The following AGAP1 variants were observed in gnomAD, a reference collection of about 807,000 sequenced individuals.
The protein encoded by AGAP1 is ArfGAP with GTPase domain, ankyrin repeat and PH domain 1, also known as arf-GAP with GTPase, ANK repeat and PH domain-containing protein 1.
In AGAP1, 29 loss-of-function variants were observed where a neutral mutation model predicts 105.3. The observed-to-expected ratio is 0.28, with a 90% CI of 0.21 to 0.38. The LOEUF is 0.38. AGAP1 is among the 10% of genes least tolerant of loss of function. AGAP1 has a pLI of 1.00. For synonymous variants in AGAP1, 509 were observed against 485.9 expected, an observed-to-expected ratio of 1.05 and a Z score of -0.63; for missense variants, 998 against 1,165.1, an observed-to-expected ratio of 0.86 and a Z score of 2.09.
At chr2:236,033,223 C>T (rs1035252768) in intron 13 of AGAP1, among the ~76,000 whole-genome samples, 5 of 152,000 alleles carry the variant, frequency 3.3e-5, no homozygotes, top group Non-Finnish European at 5.9e-5. Flanking sequence ...CCAGCCTGGA[C>T]GACAGGAGCG....
chr2:235,821,370 A>G (rs1559527881), intron 9 of AGAP1, among the ~76,000 whole-genome samples: 1 of 150,848 alleles, frequency 6.6e-6, no homozygotes, highest in East Asian at 1.9e-4. Context: ...GTAGGTTTAA[A>G]GCAGAACTTC....
chr2:236,129,800 A>C lies in AGAP1; in HGVS notation c.*5678A>C, dbSNP rs2060058994. The C allele has an allele frequency of 6.6e-6, 1 of 152,196 alleles. No individual in the cohort carries two copies. Among genetic ancestry groups the C allele is most frequent in the Admixed American group, 6.5e-5 (1 of 15,284 alleles). The allele number at this position is 152,196 out of a possible 1,614,324, so 9.4% of individuals were successfully genotyped here. ...TGGAAAGGGATTCTGGGAAACCAAC[A>C]AGTCTTTTTTAAATCTTTGAGTTGT... On this transcript the variant is annotated 3_prime_UTR_variant, in exon 18 of 18. Coordinates refer to ENST00000304032, the MANE Select transcript of AGAP1 (RefSeq NM_001037131.3). This position sits in a 1 kb window ranked among gnomAD's most constrained non-coding sequence, Gnocchi z 6.2.
chr2:235,762,892 A>G (rs1376135425), intron 6 of AGAP1, among the ~76,000 whole-genome samples: 1 of 152,144 alleles, frequency 6.6e-6, no homozygotes, highest in Non-Finnish European at 1.5e-5. Context: ...GGAAAGAAAG[A>G]TAGATTGTAA....
At chr2:235,837,062 C>T (rs543138850) in intron 9 of AGAP1, among the ~76,000 whole-genome samples, 10 of 152,250 alleles carry the variant, frequency 6.6e-5, no homozygotes, top group Admixed American at 4.6e-4. Context: ...CTCAGCTTAC[C>T]GCAACCTCCG....
chr2:235,779,952 C>T (rs958364284), intron 6 of AGAP1, among the ~76,000 whole-genome samples: 2 of 152,158 alleles, frequency 1.3e-5, no homozygotes, highest in African/African-American at 4.8e-5. Context: ...TACTTAACAG[C>T]AAATGGCATA....
Position 235,716,492 on chromosome 2 carries a change from G to T in AGAP1, c.223-1065G>T, listed in dbSNP as rs990938909. Reference sequence around the variant, plus strand: ...AGGAGGGAGGTCAACAAGTGGAACCGAGAGCAAGCGGGGTGAGTCCCAGCT... The same window carrying T: ...AGGAGGGAGGTCAACAAGTGGAACCTAGAGCAAGCGGGGTGAGTCCCAGCT... On this transcript the variant is annotated intron_variant, in intron 2 of 17. Coordinates refer to ENST00000304032, the MANE Select transcript of AGAP1 (RefSeq NM_001037131.3). The surrounding 1 kb of genome is among the most constrained non-coding windows in gnomAD (Gnocchi z 4.0). Among the ~76,000 whole-genome samples, 1 of 152,144 alleles carries T rather than the reference G, an allele frequency of 6.6e-6. No homozygotes were observed. The highest frequency in any genetic ancestry group is 1.5e-5 in the Non-Finnish European group (1 of 68,030).
chr2:235,567,738 C>T, intron 1 of AGAP1, among the ~76,000 whole-genome samples: 1 of 14,722 alleles, frequency 6.8e-5, no homozygotes, highest in African/African-American at 2.9e-4. Flanking sequence ...GAACGTGGCA[C>T]TGGGGGGTGG....
intron 16 of AGAP1, among the ~76,000 whole-genome samples, chr2:236,075,457 G>C (rs1438517025): frequency 6.6e-6 from 1 of 152,184 alleles, no homozygotes; most frequent in Non-Finnish European, 1.5e-5. Context: ...GGTCCCCGCT[G>C]CTGCCCCCTT....
intron 1 of AGAP1, among the ~76,000 whole-genome samples, chr2:235,546,303 T>G (rs1004969181): frequency 3.3e-5 from 5 of 152,234 alleles, no homozygotes; most frequent in Non-Finnish European, 7.3e-5. Flanking sequence ...GGGGCCATCC[T>G]GCCTTTTCAG....
intron 15 of AGAP1, among the ~76,000 whole-genome samples, chr2:236,041,118 C>G (rs2057537390): frequency 1.3e-5 from 2 of 152,110 alleles, no homozygotes; most frequent in Admixed American, 6.5e-5. Context: ...GATTCAACCC[C>G]ACACCCACAG....
intron 6 of AGAP1, among the ~76,000 whole-genome samples, chr2:235,768,875 C>G (rs1955194833): frequency 6.6e-6 from 1 of 152,236 alleles, no homozygotes; most frequent in Non-Finnish European, 1.5e-5. Flanking sequence ...CTCTCTGATT[C>G]ATCGAGTTCC....
chr2:235,735,691 T>C (rs940878647), intron 3 of AGAP1, among the ~76,000 whole-genome samples: 1 of 152,176 alleles, frequency 6.6e-6, no homozygotes, highest in African/African-American at 2.4e-5. Flanking sequence ...ACCTTCCATA[T>C]ACTTTTCTCT....
chr2:235,847,934 G>T (rs1034806905), intron 9 of AGAP1, among the ~76,000 whole-genome samples: 1 of 152,226 alleles, frequency 6.6e-6, no homozygotes, highest in Non-Finnish European at 1.5e-5. Flanking sequence ...AAAGTCCTAT[G>T]TTTTCACAGT....
chr2:235,809,932 A>G (rs1436112550), intron 9 of AGAP1, among the ~76,000 whole-genome samples: 2 of 152,202 alleles, frequency 1.3e-5, no homozygotes, highest in Non-Finnish European at 2.9e-5. Context: ...ACATTGCCAC[A>G]GTTATGGTAG....
In AGAP1 at chr2:235,582,671, AG is replaced by A. The variant is rs2149192580; in HGVS notation, c.163+87824del. Among the ~76,000 whole-genome samples, 1 of 152,358 alleles carries A rather than the reference AG, an allele frequency of 6.6e-6. No homozygotes were observed. The highest frequency in any genetic ancestry group is 2.4e-5 in the African/African-American group (1 of 41,590). On this transcript the variant is annotated intron_variant, in intron 1 of 17. Transcript: ENST00000304032. This position sits in a 1 kb window ranked among gnomAD's most constrained non-coding sequence, Gnocchi z 4.7. ...AAGCACGGAGTGTACTTCAGAAGGA[AG>A]GATTTAGCTGCTGGAGTGATGGCCG...
chr2:235,580,316 G>A (rs1049823756), intron 1 of AGAP1, among the ~76,000 whole-genome samples: 1 of 152,158 alleles, frequency 6.6e-6, no homozygotes. Flanking sequence ...GAGAAGAACC[G>A]CCATACTGTT....
chr2:236,086,317 T>C (rs1483787055), intron 16 of AGAP1, among the ~76,000 whole-genome samples: 2 of 152,348 alleles, frequency 1.3e-5, no homozygotes, highest in African/African-American at 4.8e-5. Flanking sequence ...ACTCTCTGTC[T>C]TCTTCAGTCT....
chr2:235,548,034 C>A (rs13021173), intron 1 of AGAP1, among the ~76,000 whole-genome samples: 2 of 152,122 alleles, frequency 1.3e-5, no homozygotes, highest in South Asian at 2.1e-4. Flanking sequence ...AGCCAAGCTG[C>A]GGACAGAGGG....
At chr2:235,859,229 CTTTTG>C (rs2048812552) in intron 9 of AGAP1, among the ~76,000 whole-genome samples, 1 of 151,864 alleles carries the variant, frequency 6.6e-6, no homozygotes, top group African/African-American at 2.4e-5. Flanking sequence ...CATATTGTTT[CTTTTG>C]TTAACTCCCT....
Sources: allele counts gnomAD v4.1 joint callset (sites outside exome capture counted in the v4.1 genomes callset), GRCh38; gene constraint gnomAD v4.1.1; non-coding constraint Gnocchi (gnomAD v3.1); transcripts MANE v1.5; gene names NCBI Gene and HGNC (gene_info 2026-07-23, HGNC 2026-07-21).